The following KLHL36 variants were observed in gnomAD, a reference collection of about 807,000 sequenced individuals.
The protein encoded by KLHL36 is kelch-like protein 36.
Under a neutral mutation model 53.3 loss-of-function variants are expected in KLHL36, and 35 were observed. The observed-to-expected ratio is 0.66, with a 90% confidence interval of 0.50 to 0.87. The LOEUF (loss-of-function observed/expected upper bound fraction) is 0.87, where lower values mean the gene tolerates loss of function less well. KLHL36 is among the 40% of genes least tolerant of loss of function. KLHL36 has a pLI of 0.00. For synonymous variants in KLHL36, 472 were observed against 398.9 expected (o/e 1.18, Z -2.18); for missense variants, 864 against 897.6 (o/e 0.96, Z 0.48).
In KLHL36 at chr16:84,657,881, C is replaced by T. The variant is rs199852251; in HGVS notation, c.1074C>T (p.Asn358=). 1.8e-5 allele frequency: 29 copies of T among 1,573,598 alleles called. No individual in the cohort carries two copies. Among genetic ancestry groups the T allele is most frequent in the Admixed American group, 3.7e-5 (2 of 54,702 alleles). ...FIAGGSFSRD[N]GGDAASNLLY... ...CCGGCGGCAGCTTCTCACGGGACAACGGAGGGGATGCGGCCTCCAATCTTC... is the reference window on the plus strand; with the variant it reads ...CCGGCGGCAGCTTCTCACGGGACAATGGAGGGGATGCGGCCTCCAATCTTC... Residue 358 remains asparagine (N), a synonymous_variant, in exon 3 of 5, where the codon AAC becomes AAT. Transcript: ENST00000564996.
In KLHL36 at chr16:84,660,664, C is replaced by T. The variant is rs954034013; in HGVS notation, c.1295+747C>T. Reference sequence around the variant, plus strand: ...TGAGAGAGAGTCTCTCTCTGTCACCCAGGCTGGAGTGCAGTGGCGCGATCT... The same window carrying T: ...TGAGAGAGAGTCTCTCTCTGTCACCTAGGCTGGAGTGCAGTGGCGCGATCT... On this transcript the variant is annotated intron_variant, in intron 4 of 4. Coordinates refer to ENST00000564996, the MANE Select transcript of KLHL36 (RefSeq NM_024731.4). Among the ~76,000 whole-genome samples the T allele has an allele frequency of 2.0e-5, 3 of 152,166 alleles. No individual in the cohort carries two copies. In the South Asian group the frequency reaches 6.2e-4, roughly 32 times the overall value.
intron 4 of KLHL36, among the ~76,000 whole-genome samples, chr16:84,660,243 TG>T (rs1312556462): frequency 6.6e-6 from 1 of 152,102 alleles, no homozygotes; most frequent in Non-Finnish European, 1.5e-5. Context: ...TTCAAAGAGA[TG>T]GGGGTATATG....
chr16:84,657,912 AG>A lies in KLHL36; in HGVS notation c.1107del (p.Arg369SerfsTer15), dbSNP rs757610434. 6.5e-7 allele frequency: 1 copy of A among 1,537,862 alleles called. No homozygotes were observed. The highest frequency in any genetic ancestry group is 2.3e-5 in the East Asian group (1 of 44,106). ...GGDAASNLLYRYDPRCKQWIK... is the reference protein window; with the variant it reads ...GGDAASNLLYXYDPRCKQWIK... ...GGATGCGGCCTCCAATCTTCTTTAT[AG>A]GTATGACCCCCGCTGTAAACAGTGG... On this transcript the variant is annotated frameshift_variant, in exon 3 of 5. Coordinates refer to ENST00000564996, the MANE Select transcript of KLHL36 (RefSeq NM_024731.4). LOFTEE classifies it high-confidence loss of function.
chr16:84,657,672 G>C lies in KLHL36; in HGVS notation c.865G>C (p.Ala289Pro). 2 of 1,612,594 alleles carry C rather than the reference G, an allele frequency of 1.2e-6. No homozygotes were observed. The highest frequency in any genetic ancestry group is 1.7e-6 in the Non-Finnish European group (2 of 1,179,772). Residue 289 changes from alanine (A) to proline (P), a missense_variant, in exon 3 of 5, where the codon GCG (alanine) becomes CCG (proline). Coordinates refer to ENST00000564996, the MANE Select transcript of KLHL36 (RefSeq NM_024731.4). ...AQPVMQTKRT[A>P]LRTNQERLLF... ...GCCCGTCATGCAGACCAAGCGCACG[G>C]CGCTGCGCACCAACCAGGAGCGCCT...
intron 2 of KLHL36, among the ~76,000 whole-genome samples, chr16:84,655,158 G>A (rs1483278374): frequency 4.6e-5 from 7 of 152,172 alleles, no homozygotes; most frequent in African/African-American, 1.4e-4. Flanking sequence ...ATGCCAAGTC[G>A]GATCTGTCTG....
rs369272875 is a variant in KLHL36, at chr16:84,656,828, G to T, written c.64-43G>T. ...GGACCCACTGGGTTGGACCAGGGCC[G>T]AGCAGGCTGCTGCGCCGTTTCTAAT... On this transcript the variant is annotated intron_variant, in intron 2 of 4. Coordinates refer to ENST00000564996, the MANE Select transcript of KLHL36 (RefSeq NM_024731.4). The T allele has an allele frequency of 2.7e-6, 4 of 1,499,798 alleles. No individual in the cohort carries two copies. The East Asian group carries it at 6.8e-5, about 26-fold the overall frequency. The allele number at this position is 1,499,798 out of a possible 1,614,324, so 92.9% of individuals were successfully genotyped here.
In KLHL36 at chr16:84,664,038, C is replaced by G. The variant is rs1055773065; in HGVS notation, c.*1905C>G. The G allele has an allele frequency of 6.6e-6, 1 of 152,188 alleles. No homozygotes were observed. The highest frequency in any genetic ancestry group is 1.5e-5 in the Non-Finnish European group (1 of 68,032). The allele number at this position is 152,188 out of a possible 1,614,324, so 9.4% of individuals were successfully genotyped here. On this transcript the variant is annotated 3_prime_UTR_variant, in exon 5 of 5. Transcript: ENST00000564996. ...CTCTGCTTGGAGCTCTGCAGCATTCCGGTGTATGAAAGGTTCCGAGAAGTC... is the reference window on the plus strand; with the variant it reads ...CTCTGCTTGGAGCTCTGCAGCATTCGGGTGTATGAAAGGTTCCGAGAAGTC...
At position 84,663,868 on chromosome 16, in the gene KLHL36, G is replaced by A. The variant is rs371826397; in HGVS notation, c.*1735G>A. ...ATTTTGGGGACTGAAAGCTTCAATAGCCAACTTACTGCCCTCTGTGGTTAG... is the reference window on the plus strand; with the variant it reads ...ATTTTGGGGACTGAAAGCTTCAATAACCAACTTACTGCCCTCTGTGGTTAG... On this transcript the variant is annotated 3_prime_UTR_variant, in exon 5 of 5. Coordinates refer to ENST00000564996, the MANE Select transcript of KLHL36 (RefSeq NM_024731.4). The A allele has an allele frequency of 6.6e-6, 1 of 152,186 alleles. No individual in the cohort carries two copies. The highest frequency in any genetic ancestry group is 2.4e-5 in the African/African-American group (1 of 41,448). The allele number at this position is 152,186 out of a possible 1,614,324, so 9.4% of individuals were successfully genotyped here.
At position 84,657,029 on chromosome 16, in the gene KLHL36, G is replaced by A. The variant is rs769816440; in HGVS notation, c.222G>A (p.Met74Ile). 6.2e-7 allele frequency: 1 copy of A among 1,614,160 alleles called. No individual in the cohort carries two copies. The highest frequency in any genetic ancestry group is 1.1e-5 in the South Asian group (1 of 91,082). ...LAVCSDYFNS[M>I]FTIGMREAFQ... ...TGTGCAGCGACTACTTCAACTCCAT[G>A]TTCACCATCGGCATGCGGGAAGCTT... The change falls in exon 3 of 5, where the codon ATG becomes ATA. Residue 74 changes from methionine (M) to isoleucine (I), a missense_variant. By Grantham distance (10) the Met-to-Ile change is conservative. Transcript: ENST00000564996.
Position 84,662,330 on chromosome 16 carries a change from T to A in KLHL36, c.*197T>A. 1.8e-6 allele frequency: 1 copy of A among 559,956 alleles called. No homozygotes were observed. The highest frequency in any genetic ancestry group is 3.1e-6 in the Non-Finnish European group (1 of 326,104). 34.7% of individuals were successfully genotyped at this position (559,956 alleles called of 1,614,324 possible). On this transcript the variant is annotated 3_prime_UTR_variant, in exon 5 of 5. Transcript: ENST00000564996. ...ACTTTACATATCTTGCTTGAATAAC[T>A]AACCCTGGGCCCAGGCAGTGAGCAA...
In KLHL36 at chr16:84,659,489, C is replaced by T. The variant is rs567290110; in HGVS notation, c.1138-271C>T. ...CCATCCACGCGGCTAACGACATGAC[C>T]AGAGAAGTTCGGGGGTTCAGAGCAT... On this transcript the variant is annotated intron_variant, in intron 3 of 4. Coordinates refer to ENST00000564996, the MANE Select transcript of KLHL36 (RefSeq NM_024731.4). The T allele has an allele frequency of 1.5e-5, 6 of 407,510 alleles. No homozygotes were observed. In the East Asian group the frequency reaches 2.6e-4, roughly 18 times the overall value. The allele number at this position is 407,510 out of a possible 1,614,324, so 25.2% of individuals were successfully genotyped here. A position where few individuals can be genotyped will look rare whatever the true frequency, so the allele number is the denominator to read the frequency against.
At position 84,661,746 on chromosome 16, in the gene KLHL36, G is replaced by T; in HGVS notation, c.1464G>T (p.Met488Ile). The T allele has an allele frequency of 1.2e-5, 19 of 1,613,466 alleles. No individual in the cohort carries two copies. The highest frequency in any genetic ancestry group is 1.6e-5 in the Non-Finnish European group (19 of 1,179,918). The change falls in exon 5 of 5, where the codon ATG becomes ATT. Residue 488 changes from methionine to isoleucine, a missense_variant. By Grantham distance (10) the Met-to-Ile change is conservative. Coordinates refer to ENST00000564996, the MANE Select transcript of KLHL36 (RefSeq NM_024731.4). The surrounding 1 kb of genome is among the most constrained non-coding windows in gnomAD (Gnocchi z 7.9). Reference sequence around the variant, plus strand: ...CCACGGCGCGCGGCTGGCACAGCATGTGCAGCCTGGGTGACAGCATCTACT... The same window carrying T: ...CCACGGCGCGCGGCTGGCACAGCATTTGCAGCCTGGGTGACAGCATCTACT... ...PMTTARGWHS[M>I]CSLGDSIYSI...
intron 3 of KLHL36, chr16:84,658,645 G>A (rs1217219920): frequency 6.6e-6 from 1 of 152,246 alleles, no homozygotes; most frequent in Non-Finnish European, 1.5e-5. Context: ...TGGGGGACAG[G>A]GAGTGCAGTA....
chr16:84,657,391 T>A lies in KLHL36; in HGVS notation c.584T>A (p.Val195Asp). Residue 195 changes from valine to aspartate, a missense_variant, in exon 3 of 5, where the codon GTC (valine) becomes GAC (aspartate). Val to Asp is a radical substitution (Grantham distance 152, BLOSUM62 -3). Transcript: ENST00000564996. ...AACGTCTCCATGCAGAAGCTGTGTG[T>A]CTACCTGAGCAGCAGCGAGGTGCAG... is the stretch of plus-strand genomic sequence containing the variant. Reference protein sequence around the residue: ...LQNVSMQKLCVYLSSSEVQRE... With the variant: ...LQNVSMQKLCDYLSSSEVQRE... 2 of 1,609,122 alleles carry A rather than the reference T, an allele frequency of 1.2e-6. No homozygotes were observed. The highest frequency in any genetic ancestry group is 2.2e-5 in the South Asian group (2 of 91,082).
At chr16:84,653,896 ATGCAGCTG>A (rs1007011551) in intron 2 of KLHL36, among the ~76,000 whole-genome samples, 2 of 151,242 alleles carry the variant, frequency 1.3e-5, no homozygotes, top group Non-Finnish European at 2.9e-5. Context: ...AAAGTTGTCT[ATGCAGCTG>A]TGCTAAAACA....
chr16:84,653,308 C>T (rs12935532), intron 2 of KLHL36, among the ~76,000 whole-genome samples: 13,810 of 152,140 alleles, frequency 0.091, 795 homozygotes, highest in African/African-American at 0.16. Flanking sequence ...TGTAAGCCCC[C>T]GACAACCTGA....
Position 84,667,145 on chromosome 16 carries a change from G to C in KLHL36, c.*5012G>C, listed in dbSNP as rs749635217. ...ATGAATGTACACATTTCGGTAGTGG[G>C]GGGGCAGAGCGGATAACCCCTTCCT... On this transcript the variant is annotated 3_prime_UTR_variant, in exon 5 of 5. Coordinates refer to ENST00000564996, the MANE Select transcript of KLHL36 (RefSeq NM_024731.4). 1 of 152,082 alleles carries C rather than the reference G, an allele frequency of 6.6e-6. No homozygotes were observed. The highest frequency in any genetic ancestry group is 6.6e-5 in the Admixed American group (1 of 15,266). 9.4% of individuals were successfully genotyped at this position (152,082 alleles called of 1,614,324 possible).
intron 2 of KLHL36, among the ~76,000 whole-genome samples, chr16:84,652,070 C>T (rs1469078273): frequency 6.6e-6 from 1 of 152,188 alleles, no homozygotes; most frequent in Non-Finnish European, 1.5e-5. Context: ...CCAAGCCCAG[C>T]TTTATCGATT....
chr16:84,661,495 C>A lies in KLHL36; in HGVS notation c.1296-83C>A. On this transcript the variant is annotated intron_variant, in intron 4 of 4. Coordinates refer to ENST00000564996, the MANE Select transcript of KLHL36 (RefSeq NM_024731.4). The surrounding 1 kb of genome is among the most constrained non-coding windows in gnomAD (Gnocchi z 7.9). ...CTTAAATCCTCATGGCCCTCTAAGACGGCAGGCTGTTCCCCGGCTCGGAGG... is the reference window on the plus strand; with the variant it reads ...CTTAAATCCTCATGGCCCTCTAAGAAGGCAGGCTGTTCCCCGGCTCGGAGG... 7.3e-7 allele frequency: 1 copy of A among 1,371,472 alleles called. No homozygotes were observed. The highest frequency in any genetic ancestry group is 1.0e-6 in the Non-Finnish European group (1 of 1,004,964). The allele number at this position is 1,371,472 out of a possible 1,614,324, so 85.0% of individuals were successfully genotyped here.
Sources: gnomAD v4.1 joint callset for allele counts (sites outside exome capture counted in the v4.1 genomes callset) on GRCh38, gnomAD v4.1.1 for gene constraint, Gnocchi (gnomAD v3.1) non-coding constraint, MANE v1.5 for transcripts, NCBI Gene and HGNC (gene_info 2026-07-23, HGNC 2026-07-21) for gene names.